Variants in CIB2 observed in about 807,000 individuals in gnomAD.
The protein encoded by CIB2 is calcium and integrin binding family member 2, also known as calcium and integrin-binding family member 2.
CIB2 carries 19 observed loss-of-function variants against 23.1 expected under a neutral mutation model. The observed-to-expected ratio is 0.82, with a 90% CI of 0.57 to 1.21. The LOEUF is 1.21. Among genes scored for constraint, CIB2 ranks in the 50% most tolerant of loss-of-function variants. The pLI, the probability that CIB2 is intolerant of heterozygous loss-of-function variation, is 0.00. For missense variants in CIB2, 220 were observed against 241.5 expected, an observed-to-expected ratio of 0.91 and a Z score of 0.59; for synonymous variants, 94 against 91.7, an observed-to-expected ratio of 1.03 and a Z score of -0.14.
intron 2 of CIB2, among the ~76,000 whole-genome samples, chr15:78,123,154 A>G (rs2074341078): frequency 6.6e-6 from 1 of 152,158 alleles, no homozygotes; most frequent in South Asian, 2.1e-4. Context: ...GAAGAAGCAG[A>G]GCCCTGATGA....
At chr15:78,115,676 CTTTTTTTTT>C (rs56754406) in intron 2 of CIB2, among the ~76,000 whole-genome samples, 1 of 71,294 alleles carries the variant, frequency 1.4e-5, no homozygotes, top group African/African-American at 5.4e-5. Flanking sequence ...ATCTCCTTCT[CTTTTTTTTT>C]TTTTTTTTTT....
In CIB2 at chr15:78,105,291, C is replaced by T. The variant is rs199938475; in HGVS notation, c.*20G>A. 36 of 1,613,794 alleles carry T rather than the reference C, an allele frequency of 2.2e-5. No individual in the cohort carries two copies. In the Admixed American group the frequency reaches 4.7e-4, roughly 21 times the overall value. On this transcript the variant is annotated 3_prime_UTR_variant, in exon 6 of 6. Coordinates refer to ENST00000258930, the MANE Select transcript of CIB2 (RefSeq NM_006383.4). Reference sequence around the variant, plus strand: ...GGCAGGATGGTGGACTTCTAGGCCCCTACAGCCTCGGCAGTGTCCTCAGAT... The same window carrying T: ...GGCAGGATGGTGGACTTCTAGGCCCTTACAGCCTCGGCAGTGTCCTCAGAT...
rs1225925874 is a variant in CIB2, at chr15:78,105,064, T to G, written c.*247A>C. The G allele has an allele frequency of 1.6e-5, 8 of 514,446 alleles. No individual in the cohort carries two copies. The highest frequency in any genetic ancestry group is 2.3e-5 in the South Asian group (1 of 42,876). 31.9% of individuals were successfully genotyped at this position (514,446 alleles called of 1,614,324 possible). ...GAAAGGACTGGGGCATGGGGCGGGG[T>G]GCGGAGGGCCTGGAGAGAGGCCATG... On this transcript the variant is annotated 3_prime_UTR_variant, in exon 6 of 6. Transcript: ENST00000258930.
At chr15:78,123,147 G>A (rs2074340998) in intron 2 of CIB2, among the ~76,000 whole-genome samples, 1 of 152,182 alleles carries the variant, frequency 6.6e-6, no homozygotes, top group African/African-American at 2.4e-5. Flanking sequence ...GTCCTGGGAA[G>A]AAGCAGAGCC....
intron 4 of CIB2, among the ~76,000 whole-genome samples, chr15:78,107,838 C>T (rs1301033407): frequency 6.6e-6 from 1 of 152,212 alleles, no homozygotes; most frequent in African/African-American, 2.4e-5. Flanking sequence ...GGTGCACAGA[C>T]AGAAACCAAA....
At chr15:78,115,925 C>T (rs971393757) in intron 2 of CIB2, among the ~76,000 whole-genome samples, 1 of 151,864 alleles carries the variant, frequency 6.6e-6, no homozygotes, top group Non-Finnish European at 1.5e-5. Context: ...TCCCCAGGAG[C>T]ACTAATCAAT....
intron 2 of CIB2, among the ~76,000 whole-genome samples, chr15:78,122,918 C>T (rs2074338194): frequency 6.6e-6 from 1 of 152,216 alleles, no homozygotes; most frequent in South Asian, 2.1e-4. Context: ...GGGCTCTGGT[C>T]CCAGCCTGAC....
Position 78,131,216 on chromosome 15 carries a change from G to T in CIB2, c.-1C>A. 1 of 1,519,850 alleles carries T rather than the reference G, an allele frequency of 6.6e-7. No homozygotes were observed. The highest frequency in any genetic ancestry group is 8.8e-7 in the Non-Finnish European group (1 of 1,131,704). The allele number at this position is 1,519,850 out of a possible 1,614,324, so 94.1% of individuals were successfully genotyped here. A position where few individuals can be genotyped will look rare whatever the true frequency, so the allele number is the denominator to read the frequency against. ...TGAAGATGGTCTGCTTGTTCCCCAT[G>T]GTGGCCGCCGCGCCGCCGCTCGCCC... On this transcript the variant is annotated 5_prime_UTR_variant, in exon 1 of 6. Transcript: ENST00000258930. This position sits in a 1 kb window ranked among gnomAD's most constrained non-coding sequence, Gnocchi z 5.8.
At chr15:78,105,675 A>C in intron 5 of CIB2, 64 bp downstream of exon 5, 1 of 1,609,474 alleles carries the variant, frequency 6.2e-7, no homozygotes, top group Non-Finnish European at 8.5e-7. Flanking sequence ...TAGGGGCCTC[A>C]GCCCCAACAT....
intron 2 of CIB2, among the ~76,000 whole-genome samples, chr15:78,113,132 C>G (rs924833886): frequency 4.6e-5 from 7 of 152,188 alleles, no homozygotes; most frequent in Non-Finnish European, 1.0e-4. Flanking sequence ...GAACCCAGGA[C>G]CTCTGGACAC....
rs773891973 is a variant in CIB2 at position 78,123,710 on chromosome 15, G to A, written c.81C>T (p.Ile27=). The A allele has an allele frequency of 1.2e-6, 2 of 1,614,122 alleles. No homozygotes were observed. Among genetic ancestry groups the A allele is most frequent in the Non-Finnish European group, 1.7e-6 (2 of 1,179,978 alleles). Residue 27 remains isoleucine, a synonymous_variant, in exon 2 of 6, where the codon ATC becomes ATT. Transcript: ENST00000258930. ...QDCTFFNKKD[I]LKLHSRFYEL... ...GAACGAGAAGCCACACTTACTTGAG[G>A]ATGTCCTTCTTATTGAAGAAGGTGC...
At chr15:78,121,376 G>A (rs1003441131) in intron 2 of CIB2, among the ~76,000 whole-genome samples, 1 of 152,132 alleles carries the variant, frequency 6.6e-6, no homozygotes, top group Non-Finnish European at 1.5e-5. Flanking sequence ...CAGGGCTGTG[G>A]GGAGCCAGGA....
At chr15:78,110,874 G>A in intron 3 of CIB2, 1 of 320,330 alleles carries the variant, frequency 3.1e-6, no homozygotes, top group Non-Finnish European at 6.8e-6. Context: ...AGCAGACACA[G>A]GTCTGCCAAC....
chr15:78,105,242 G>A lies in CIB2; in HGVS notation c.*69C>T. ...TGCCACTGCTTTCCTGGGGAGCTTGGAGGCCACACCCATGTGACTGCAGGG... is the reference window on the plus strand; with the variant it reads ...TGCCACTGCTTTCCTGGGGAGCTTGAAGGCCACACCCATGTGACTGCAGGG... On this transcript the variant is annotated 3_prime_UTR_variant, in exon 6 of 6. Transcript: ENST00000258930. 2 of 1,606,054 alleles carry A rather than the reference G, an allele frequency of 1.2e-6. No homozygotes were observed. Among genetic ancestry groups the A allele is most frequent in the South Asian group, 1.1e-5 (1 of 90,370 alleles).
intron 2 of CIB2, among the ~76,000 whole-genome samples, chr15:78,117,275 A>AAAAAAAAAAAAAAAAAAAAAT (rs2074254789): frequency 7.2e-6 from 1 of 139,262 alleles, no homozygotes; most frequent in Admixed American, 7.2e-5. Flanking sequence ...AAAAAAAAAA[A>AAAAAAAAAAAAAAAAAAAAAT]GTTTGTTTAA....
At chr15:78,129,888 G>A (rs1307228395) in intron 1 of CIB2, among the ~76,000 whole-genome samples, 7 of 152,216 alleles carry the variant, frequency 4.6e-5, no homozygotes, top group Admixed American at 2.6e-4. Flanking sequence ...GAGTTGATGC[G>A]TAGAGGGCAT....
chr15:78,105,099 G>C lies in CIB2; in HGVS notation c.*212C>G, dbSNP rs1596344474. 1.6e-6 allele frequency: 1 copy of C among 630,382 alleles called. No homozygotes were observed. Among genetic ancestry groups the C allele is most frequent in the East Asian group, 3.0e-5 (1 of 33,766 alleles). 39.0% of individuals were successfully genotyped at this position (630,382 alleles called of 1,614,324 possible). A position where few individuals can be genotyped will look rare whatever the true frequency, so the allele number is the denominator to read the frequency against. Reference sequence around the variant, plus strand: ...CTGGAGAGAGGCCATGGGTCCCGGGGCTGGACCACAGCGGGGCTGTGGGAA... The same window carrying C: ...CTGGAGAGAGGCCATGGGTCCCGGGCCTGGACCACAGCGGGGCTGTGGGAA... On this transcript the variant is annotated 3_prime_UTR_variant, in exon 6 of 6. Transcript: ENST00000258930.
chr15:78,105,156 T>G lies in CIB2; in HGVS notation c.*155A>C. ...TAACCTTCACAGGCCCCCTTCCTGG[T>G]TAAGGTTTTTTTTTTGCTGAAAGGG... On this transcript the variant is annotated 3_prime_UTR_variant, in exon 6 of 6. Coordinates refer to ENST00000258930, the MANE Select transcript of CIB2 (RefSeq NM_006383.4). 1.1e-5 allele frequency: 12 copies of G among 1,044,268 alleles called. No individual in the cohort carries two copies. The highest frequency in any genetic ancestry group is 1.3e-5 in the Non-Finnish European group (9 of 719,964). The allele number at this position is 1,044,268 out of a possible 1,614,324, so 64.7% of individuals were successfully genotyped here. A position where few individuals can be genotyped will look rare whatever the true frequency, so the allele number is the denominator to read the frequency against.
At chr15:78,127,426 C>G (rs550695932) in intron 1 of CIB2, among the ~76,000 whole-genome samples, 1 of 152,106 alleles carries the variant, frequency 6.6e-6, no homozygotes, top group Admixed American at 6.5e-5. Context: ...GGGGGCCTAA[C>G]CCAGGAGTGA....
Sources: gnomAD v4.1 joint callset for allele counts (sites outside exome capture counted in the v4.1 genomes callset) on GRCh38, gnomAD v4.1.1 for gene constraint, Gnocchi (gnomAD v3.1) non-coding constraint, MANE v1.5 for transcripts, NCBI Gene and HGNC (gene_info 2026-07-23, HGNC 2026-07-21) for gene names.